The following HECTD2 variants were observed in gnomAD, a reference collection of about 807,000 sequenced individuals.
The protein encoded by HECTD2 is HECT domain E3 ubiquitin protein ligase 2, also known as probable E3 ubiquitin-protein ligase HECTD2.
HECTD2 carries 35 observed loss-of-function variants against 103.2 expected under a neutral mutation model. The observed-to-expected ratio is 0.34, with a 90% confidence interval of 0.26 to 0.45. The LOEUF (loss-of-function observed/expected upper bound fraction) is 0.45. HECTD2 is among the 20% of genes least tolerant of loss of function. The pLI, the probability that HECTD2 is intolerant of heterozygous loss-of-function variation, is 1.00. For missense variants in HECTD2, 596 were observed against 937.4 expected, an observed-to-expected ratio of 0.64 and a Z score of 4.76; for synonymous variants, 281 against 329.9, an observed-to-expected ratio of 0.85 and a Z score of 1.61.
intron 2 of HECTD2, among the ~76,000 whole-genome samples, chr10:91,430,937 T>A (rs950781405): frequency 6.6e-6 from 1 of 151,546 alleles, no homozygotes; most frequent in Admixed American, 6.6e-5. Flanking sequence ...GTTAGCTGGT[T>A]ATTTTGCTCG....
intron 20 of HECTD2, among the ~76,000 whole-genome samples, chr10:91,509,102 C>T (rs1847317271): frequency 8.0e-6 from 1 of 125,436 alleles, no homozygotes; most frequent in Non-Finnish European, 1.6e-5. Context: ...GGAAGGGGAA[C>T]ATCACACTCT....
intron 13 of HECTD2, among the ~76,000 whole-genome samples, chr10:91,493,068 C>T (rs1846537699): frequency 6.6e-6 from 1 of 151,764 alleles, no homozygotes; most frequent in Non-Finnish European, 1.5e-5. Context: ...AAATTGAAGT[C>T]TCCAGATATC....
At chr10:91,455,685 C>T (rs1845056311) in intron 2 of HECTD2, among the ~76,000 whole-genome samples, 1 of 152,096 alleles carries the variant, frequency 6.6e-6, no homozygotes, top group South Asian at 2.1e-4. Flanking sequence ...AGGTTTTCTT[C>T]TAGGGTTTTT....
At chr10:91,504,274 G>A (rs1370647613) in intron 20 of HECTD2, among the ~76,000 whole-genome samples, 1 of 152,230 alleles carries the variant, frequency 6.6e-6, no homozygotes, top group African/African-American at 2.4e-5. Context: ...AAAGCTGGAC[G>A]GAGAATGACT....
intron 11 of HECTD2, 48 bp from the exon 12 acceptor site, chr10:91,491,152 A>T (rs1846463556): frequency 1.2e-6 from 1 of 868,106 alleles, no homozygotes; most frequent in Non-Finnish European, 1.9e-6. Flanking sequence ...TTTAAATGAA[A>T]TTATAGTCTA....
intron 5 of HECTD2, chr10:91,463,134 C>T (rs1303944485): frequency 1.3e-5 from 2 of 151,868 alleles, no homozygotes; most frequent in African/African-American, 4.8e-5. Context: ...TTTGACTCCC[C>T]AGAAGCTTAA....
intron 3 of HECTD2, among the ~76,000 whole-genome samples, 189 bp from the exon 4 acceptor site, chr10:91,461,065 A>G (rs976695972): frequency 6.6e-6 from 1 of 152,210 alleles, no homozygotes; most frequent in Non-Finnish European, 1.5e-5. Context: ...AGTAAATGGG[A>G]AAGTTGAAGC....
At chr10:91,503,577 A>T (rs1293710871) in intron 20 of HECTD2, among the ~76,000 whole-genome samples, 1 of 152,206 alleles carries the variant, frequency 6.6e-6, no homozygotes, top group Non-Finnish European at 1.5e-5. Flanking sequence ...GACGGGCTTA[A>T]AAAACGGTGC....
intron 5 of HECTD2, among the ~76,000 whole-genome samples, chr10:91,466,587 T>C (rs1845540023): frequency 6.6e-6 from 1 of 152,194 alleles, no homozygotes; most frequent in South Asian, 2.1e-4. Context: ...CTCACAAATT[T>C]TGATAGGTTG....
chr10:91,420,103 G>T (rs1289685693), intron 1 of HECTD2, among the ~76,000 whole-genome samples: 1 of 152,062 alleles, frequency 6.6e-6, no homozygotes, highest in Non-Finnish European at 1.5e-5. Context: ...TGTATGAGCT[G>T]ATGTGGGGCA....
chr10:91,462,576 T>C, intron 5 of HECTD2: 1 of 1,019,540 alleles, frequency 9.8e-7, no homozygotes, highest in Non-Finnish European at 1.2e-6. Context: ...AGGTCTTGGG[T>C]GAAGCCCAAG....
In HECTD2 at chr10:91,410,649, C is replaced by A. The variant is rs368992277; in HGVS notation, c.138+73C>A. 13 of 1,281,346 alleles carry A rather than the reference C, an allele frequency of 1.0e-5. No homozygotes were observed. The East Asian group carries it at 3.5e-4, about 35-fold the overall frequency. 79.4% of individuals were successfully genotyped at this position (1,281,346 alleles called of 1,614,324 possible). Reference sequence around the variant, plus strand: ...GGAGGGACGGCGGCCGGGCGAGGGCCGTCAGGAGGCCTGCGTTTACCCTGG... The same window carrying A: ...GGAGGGACGGCGGCCGGGCGAGGGCAGTCAGGAGGCCTGCGTTTACCCTGG... On this transcript the variant is annotated intron_variant, in intron 1 of 20. Transcript: ENST00000298068.
At chr10:91,422,489 C>T (rs181208413) in intron 1 of HECTD2, among the ~76,000 whole-genome samples, 11 of 152,114 alleles carry the variant, frequency 7.2e-5, no homozygotes, top group South Asian at 6.2e-4. Context: ...GGCATTTGTT[C>T]GCACTATTAT....
chr10:91,509,731 C>T (rs933610916), intron 20 of HECTD2, among the ~76,000 whole-genome samples: 3 of 152,080 alleles, frequency 2.0e-5, no homozygotes, highest in African/African-American at 7.3e-5. Context: ...ATACTGAGTA[C>T]ATGTGAACAC....
At chr10:91,486,507 C>T (rs1171289463) in intron 10 of HECTD2, 7 of 152,108 alleles carry the variant, frequency 4.6e-5, no homozygotes, top group South Asian at 4.1e-4. Flanking sequence ...GGGTTTTAAT[C>T]CTAGGATCCT....
intron 13 of HECTD2, among the ~76,000 whole-genome samples, 168 bp downstream of exon 13, chr10:91,492,652 C>A (rs1007133176): frequency 6.6e-6 from 1 of 151,956 alleles, no homozygotes; most frequent in Non-Finnish European, 1.5e-5. Context: ...CTTGTTTGAC[C>A]GAATTGTTGA....
At chr10:91,498,829 T>C in intron 16 of HECTD2, 43 bp from the exon 17 acceptor site, 4 of 1,180,370 alleles carry the variant, frequency 3.4e-6, no homozygotes, top group Non-Finnish European at 3.7e-6. Flanking sequence ...AAGTATGTTA[T>C]TATATCAACC....
chr10:91,465,066 A>G (rs1845483110), intron 5 of HECTD2, among the ~76,000 whole-genome samples: 2 of 152,346 alleles, frequency 1.3e-5, no homozygotes, highest in South Asian at 4.1e-4. Context: ...AAGACTATAA[A>G]CAAATCTTTA....
rs1027095870 is a variant in HECTD2, at chr10:91,428,376, A to G, written c.268+2966A>G. 1.2e-3 allele frequency among the ~76,000 whole-genome samples: 179 copies of G among 150,918 alleles called. No homozygotes were observed. In the Middle Eastern group the frequency reaches 0.014, roughly 11 times the overall value. On this transcript the variant is annotated intron_variant, in intron 2 of 20. Transcript: ENST00000298068. ...GCGATGCGGGCTCTTTTTTGGTTCC[A>G]TATGAACTTTAAAGTAGTTTTTTCC...
Sources: gnomAD v4.1 joint callset for allele counts (sites outside exome capture counted in the v4.1 genomes callset) on GRCh38, gnomAD v4.1.1 for gene constraint, MANE v1.5 for transcripts, NCBI Gene and HGNC (gene_info 2026-07-23, HGNC 2026-07-21) for gene names.